Variants in SDK2 observed in about 807,000 individuals in gnomAD.
The protein encoded by SDK2 is sidekick cell adhesion molecule 2, also known as protein sidekick-2.
SDK2 carries 105 observed loss-of-function variants against 253.9 expected under a neutral mutation model. The observed-to-expected ratio is 0.41, with a 90% CI of 0.35 to 0.49. SDK2 has a LOEUF of 0.49. SDK2 is among the 20% of genes least tolerant of loss of function. SDK2 has a pLI of 0.06. For missense variants in SDK2, 2,608 were observed against 3,003.0 expected, an observed-to-expected ratio of 0.87 and a Z score of 3.07; for synonymous variants, 1,249 against 1,234.9, an observed-to-expected ratio of 1.01 and a Z score of -0.24.
At chr17:73,597,598 A>G (rs563971820) in intron 1 of SDK2, among the ~76,000 whole-genome samples, 1 of 152,052 alleles carries the variant, frequency 6.6e-6, no homozygotes, top group East Asian at 1.9e-4. Flanking sequence ...TATCCTTATA[A>G]ATATGTATTC....
intron 1 of SDK2, among the ~76,000 whole-genome samples, chr17:73,510,430 G>C (rs1449050805): frequency 1.3e-5 from 2 of 152,148 alleles, no homozygotes; most frequent in Non-Finnish European, 2.9e-5. Context: ...GTGGCCTCAG[G>C]GTGGCTCAGA....
At chr17:73,453,585 C>G (rs370385397) in intron 4 of SDK2, among the ~76,000 whole-genome samples, 1 of 152,050 alleles carries the variant, frequency 6.6e-6, no homozygotes, top group African/African-American at 2.4e-5. Context: ...CCAGGTTGGC[C>G]AGGCTGGTCT....
intron 1 of SDK2, among the ~76,000 whole-genome samples, chr17:73,601,677 G>A (rs188709295): frequency 8.7e-4 from 133 of 152,228 alleles, no homozygotes; most frequent in East Asian, 3.9e-4. Flanking sequence ...AGCTCTCCTT[G>A]GAGTCTCCAG....
At chr17:73,479,660 C>T (rs1011194083) in intron 2 of SDK2, among the ~76,000 whole-genome samples, 6 of 152,128 alleles carry the variant, frequency 3.9e-5, no homozygotes, top group African/African-American at 1.2e-4. Context: ...AATCACATTG[C>T]TGTAATTGTA....
At chr17:73,371,342 C>T (rs767887472) in intron 36 of SDK2, among the ~76,000 whole-genome samples, 2 of 152,042 alleles carry the variant, frequency 1.3e-5, no homozygotes, top group Non-Finnish European at 2.9e-5. Flanking sequence ...TGGGGGCCTC[C>T]AGCATTCAGT....
At chr17:73,339,213 G>GTT (rs11290598) in intron 44 of SDK2, among the ~76,000 whole-genome samples, 2 of 127,670 alleles carry the variant, frequency 1.6e-5, no homozygotes, top group African/African-American at 2.8e-5. Flanking sequence ...GAAGACCTGA[G>GTT]TTTTTTTTTG....
intron 2 of SDK2, among the ~76,000 whole-genome samples, chr17:73,503,905 G>A (rs1217946836): frequency 1.3e-5 from 2 of 152,164 alleles, no homozygotes; most frequent in Non-Finnish European, 2.9e-5. Flanking sequence ...GGCAGCTATA[G>A]CTTGTGAGCC....
rs1189061226 is a variant in SDK2 at position 73,455,982 on chromosome 17, G to C, written c.403C>G (p.Pro135Ala). ...SHGEAAVIRAPRIASFPQPQV... is the reference protein window; with the variant it reads ...SHGEAAVIRAARIASFPQPQV... ...GGCTGGGGGAAGCTGGCGATGCGCG[G>C]GGCACGGATGACAGCTGCTTCTCCG... is the stretch of plus-strand genomic sequence containing the variant. Residue 135 changes from proline (P) to alanine (A), a missense_variant, in exon 4 of 45, where the codon CCG becomes GCG. Pro to Ala is a conservative substitution (Grantham distance 27). Transcript: ENST00000392650. The surrounding 1 kb of genome is among the most constrained non-coding windows in gnomAD (Gnocchi z 5.0). 6.5e-7 allele frequency: 1 copy of C among 1,548,234 alleles called. No homozygotes were observed. Among genetic ancestry groups the C allele is most frequent in the Non-Finnish European group, 8.7e-7 (1 of 1,145,722 alleles).
At chr17:73,418,010 GTTTT>G (rs397689294) in intron 16 of SDK2, among the ~76,000 whole-genome samples, 1 of 128,256 alleles carries the variant, frequency 7.8e-6, no homozygotes, top group Non-Finnish European at 1.6e-5. Flanking sequence ...TCCTAGATGA[GTTTT>G]TTTTTTTTTT....
intron 40 of SDK2, among the ~76,000 whole-genome samples, chr17:73,355,108 C>T (rs947345323): frequency 2.7e-4 from 38 of 142,670 alleles, no homozygotes; most frequent in African/African-American, 9.3e-4. Context: ...TCCCGAACCT[C>T]GGCCTCACTG....
intron 2 of SDK2, among the ~76,000 whole-genome samples, chr17:73,494,061 C>T (rs904082838): frequency 1.7e-4 from 26 of 152,298 alleles, no homozygotes; most frequent in African/African-American, 5.5e-4. Context: ...ATCCCTGACC[C>T]GGCGAGTCCC....
At chr17:73,523,098 G>A (rs571305855) in intron 1 of SDK2, among the ~76,000 whole-genome samples, 2 of 152,340 alleles carry the variant, frequency 1.3e-5, no homozygotes, top group African/African-American at 4.8e-5. Context: ...GAGAATTGGA[G>A]CTAGATTTTG....
intron 1 of SDK2, among the ~76,000 whole-genome samples, chr17:73,603,768 C>T (rs1015920342): frequency 6.6e-6 from 1 of 152,218 alleles, no homozygotes; most frequent in African/African-American, 2.4e-5. Context: ...GGTCACACAG[C>T]TTGTGGGTGG....
Position 73,620,356 on chromosome 17 carries a change from G to T in SDK2, c.64+23669C>A, listed in dbSNP as rs146614075. ...GTAACACTTCACACCCACCAGGTCA[G>T]CTATAATTAAACAAATGAAAAATAA... On this transcript the variant is annotated intron_variant, in intron 1 of 44. Coordinates refer to ENST00000392650, the MANE Select transcript of SDK2 (RefSeq NM_001144952.2). 1.8e-3 allele frequency among the ~76,000 whole-genome samples: 268 copies of T among 152,330 alleles called. 1 individual carries two copies. The highest frequency in any genetic ancestry group is 6.3e-3 in the African/African-American group (260 of 41,576).
chr17:73,446,560 G>A lies in SDK2; in HGVS notation c.613+1055C>T, dbSNP rs537131290. The stretch of plus-strand genomic sequence containing the variant: ...GGATGGCAAGGCCTGGGAATGTCCT[G>A]GGCCCTCTGGACATGGACAGCAGAG... On this transcript the variant is annotated intron_variant, in intron 5 of 44. Coordinates refer to ENST00000392650, the MANE Select transcript of SDK2 (RefSeq NM_001144952.2). Among the ~76,000 whole-genome samples the A allele has an allele frequency of 3.3e-5, 5 of 152,306 alleles. No homozygotes were observed. The South Asian group carries it at 6.2e-4, about 19-fold the overall frequency.
At chr17:73,519,622 C>T (rs2145783191) in intron 1 of SDK2, 1 of 152,302 alleles carries the variant, frequency 6.6e-6, no homozygotes, top group South Asian at 2.1e-4. Flanking sequence ...GAGGACTTCT[C>T]TTTTATTTCT....
At chr17:73,501,451 A>G (rs2063890705) in intron 2 of SDK2, among the ~76,000 whole-genome samples, 1 of 152,238 alleles carries the variant, frequency 6.6e-6, no homozygotes, top group Non-Finnish European at 1.5e-5. Flanking sequence ...TCTCCCATGC[A>G]GTATCCTCCT....
intron 40 of SDK2, among the ~76,000 whole-genome samples, chr17:73,356,578 AAG>A (rs2062593716): frequency 6.6e-6 from 1 of 152,146 alleles, no homozygotes; most frequent in African/African-American, 2.4e-5. Flanking sequence ...TGAAGATGAG[AAG>A]GGGAGCACAG....
intron 2 of SDK2, among the ~76,000 whole-genome samples, chr17:73,500,496 T>G (rs2063881484): frequency 7.4e-6 from 1 of 134,662 alleles, no homozygotes; most frequent in Admixed American, 7.5e-5. Context: ...CTCCATCCTT[T>G]GTCCATCTTC....
Sources: gnomAD v4.1 joint callset for allele counts (sites outside exome capture counted in the v4.1 genomes callset) on GRCh38, gnomAD v4.1.1 for gene constraint, Gnocchi (gnomAD v3.1) non-coding constraint, MANE v1.5 for transcripts, NCBI Gene and HGNC (gene_info 2026-07-23, HGNC 2026-07-21) for gene names.